UGT1A10: variants seen among roughly 807,000 people sequenced by gnomAD.
The protein encoded by UGT1A10 is UDP glucuronosyltransferase family 1 member A10.
UGT1A10 carries 49 observed loss-of-function variants against 45.8 expected under a neutral mutation model. That is an observed-to-expected ratio of 1.07 (90% CI 0.85 to 1.36). The LOEUF is 1.36. Ranked by LOEUF, UGT1A10 falls within the 40% of genes most tolerant of loss-of-function variation. UGT1A10 has a pLI of 0.00. For synonymous variants in UGT1A10, 284 were observed against 249.7 expected (o/e 1.14, Z -1.29); for missense variants, 745 against 668.6 (o/e 1.11, Z -1.26).
At chr2:233,717,109 C>T (rs1330348180) in intron 1 of UGT1A10, among the ~76,000 whole-genome samples, 1 of 152,134 alleles carries the variant, frequency 6.6e-6, no homozygotes, top group East Asian at 1.9e-4. Flanking sequence ...CTAAATAAAA[C>T]ACCACTACAT....
chr2:233,729,609 G>A (rs745477342), intron 1 of UGT1A10: 1 of 1,613,988 alleles, frequency 6.2e-7, no homozygotes, highest in South Asian at 1.1e-5. Context: ...CGGCAGTGCT[G>A]GCTAAGTACC....
At chr2:233,728,213 C>A (rs2077690894) in intron 1 of UGT1A10, among the ~76,000 whole-genome samples, 1 of 152,180 alleles carries the variant, frequency 6.6e-6, no homozygotes, top group Non-Finnish European at 1.5e-5. Flanking sequence ...TGGAGAAGAG[C>A]CTGACCATAA....
chr2:233,746,436 G>C (rs1200457799), intron 1 of UGT1A10, among the ~76,000 whole-genome samples: 1 of 151,690 alleles, frequency 6.6e-6, no homozygotes, highest in Non-Finnish European at 1.5e-5. Context: ...TATGTCTTCA[G>C]CTTAAAAAGA....
intron 1 of UGT1A10, among the ~76,000 whole-genome samples, chr2:233,642,565 G>A (rs569538135): frequency 6.6e-5 from 10 of 152,280 alleles, no homozygotes; most frequent in East Asian, 5.8e-4. Flanking sequence ...CCTGAATGGC[G>A]TTGATGCTAG....
chr2:233,674,521 C>T (rs531084653), intron 1 of UGT1A10, among the ~76,000 whole-genome samples: 5 of 152,202 alleles, frequency 3.3e-5, no homozygotes, highest in South Asian at 2.1e-4. Flanking sequence ...TGCCTCACAG[C>T]GTCACCCAGA....
Position 233,718,977 on chromosome 2 carries a change from G to T in UGT1A10, c.856-48057G>T, listed in dbSNP as rs930216391. ...GCGGGAGGCCTTGCGGGAGCTCCAT[G>T]CCAGAGGCCACCAGGCGGTGGTCCT... On this transcript the variant is annotated intron_variant, in intron 1 of 4. Coordinates refer to ENST00000344644, the MANE Select transcript of UGT1A10 (RefSeq NM_019075.4). 3.1e-6 allele frequency: 5 copies of T among 1,614,122 alleles called. No homozygotes were observed. In the Admixed American group the frequency reaches 8.3e-5, roughly 27 times the overall value.
chr2:233,673,534 G>A (rs376384747), intron 1 of UGT1A10, among the ~76,000 whole-genome samples: 169 of 152,238 alleles, frequency 1.1e-3, no homozygotes, highest in African/African-American at 3.9e-3. Context: ...GGATTTCCAT[G>A]AATTGAGAAG....
intron 1 of UGT1A10, 34 bp from the exon 2 acceptor site, chr2:233,767,000 A>G: frequency 6.2e-7 from 1 of 1,613,736 alleles, no homozygotes; most frequent in South Asian, 1.1e-5. Context: ...GAATATGAGA[A>G]AAAATTAACT....
At chr2:233,661,670 T>TC (rs1421040581) in intron 1 of UGT1A10, among the ~76,000 whole-genome samples, 2 of 149,638 alleles carry the variant, frequency 1.3e-5, no homozygotes, top group Non-Finnish European at 3.0e-5. Flanking sequence ...TTTCTTTCTT[T>TC]CTTTCTTTCT....
intron 1 of UGT1A10, among the ~76,000 whole-genome samples, chr2:233,716,003 G>A (rs1213854851): frequency 6.6e-6 from 1 of 152,118 alleles, no homozygotes; most frequent in African/African-American, 2.4e-5. Context: ...AACCCAAAAT[G>A]ACTTTAATCT....
chr2:233,770,422 G>A (rs995965680), intron 4 of UGT1A10: 1 of 152,196 alleles, frequency 6.6e-6, no homozygotes, highest in Non-Finnish European at 1.5e-5. Flanking sequence ...GGGAGGCCGA[G>A]GCAGGTGGAT....
At chr2:233,767,824 G>A (rs201092075) in intron 2 of UGT1A10, 25 bp from the exon 3 acceptor site, 82 of 1,614,024 alleles carry the variant, frequency 5.1e-5, no homozygotes, top group East Asian at 2.7e-4. Flanking sequence ...CTTTCTTTAC[G>A]TTCTGCTCTT....
intron 1 of UGT1A10, chr2:233,719,692 G>A (rs1410497957): frequency 3.1e-6 from 5 of 1,614,032 alleles, no homozygotes; most frequent in Admixed American, 3.3e-5. Flanking sequence ...TCTCAGGTCT[G>A]TATTGGTGCC....
At chr2:233,701,237 T>C (rs968886679) in intron 1 of UGT1A10, among the ~76,000 whole-genome samples, 1 of 152,184 alleles carries the variant, frequency 6.6e-6, no homozygotes, top group Admixed American at 6.5e-5. Context: ...ATATACCCAG[T>C]AATGAGATGG....
intron 1 of UGT1A10, chr2:233,672,053 C>A: frequency 6.2e-7 from 1 of 1,614,098 alleles, no homozygotes; most frequent in African/African-American, 1.3e-5. Flanking sequence ...CACTGGTTCA[C>A]CATGAGGTCG....
intron 1 of UGT1A10, among the ~76,000 whole-genome samples, chr2:233,725,696 T>C (rs1461246019): frequency 6.6e-6 from 1 of 152,258 alleles, no homozygotes; most frequent in Non-Finnish European, 1.5e-5. Context: ...AATAGTCATA[T>C]GTAGTTAGTG....
chr2:233,734,102 A>G (rs1165382391), intron 1 of UGT1A10, among the ~76,000 whole-genome samples: 2 of 142,668 alleles, frequency 1.4e-5, no homozygotes, highest in East Asian at 3.9e-4. Flanking sequence ...AACTTAAAGT[A>G]TAATAATAAT....
rs527645764 is a variant in UGT1A10 at position 233,659,361 on chromosome 2, A to G, written c.855+21984A>G. On this transcript the variant is annotated intron_variant, in intron 1 of 4. Transcript: ENST00000344644. Reference sequence around the variant, plus strand: ...GCCTTACCAATAACGTAAATAGCCAATGAACACATATTTGATATGCTTTAT... The same window carrying G: ...GCCTTACCAATAACGTAAATAGCCAGTGAACACATATTTGATATGCTTTAT... Among the ~76,000 whole-genome samples, 40 of 152,344 alleles carry G rather than the reference A, an allele frequency of 2.6e-4. 2 individuals carry two copies. In the South Asian group the frequency reaches 7.9e-3, roughly 30 times the overall value.
At chr2:233,714,022 T>C (rs1174092700) in intron 1 of UGT1A10, among the ~76,000 whole-genome samples, 2 of 152,152 alleles carry the variant, frequency 1.3e-5, no homozygotes, top group Non-Finnish European at 2.9e-5. Context: ...AAAGGGTCAA[T>C]GGTAGTGCAG....
Sources: gnomAD v4.1 joint callset for allele counts (sites outside exome capture counted in the v4.1 genomes callset) on GRCh38, gnomAD v4.1.1 for gene constraint, MANE v1.5 for transcripts, NCBI Gene and HGNC (gene_info 2026-07-23, HGNC 2026-07-21) for gene names.